Variants in ZC3H12B observed in about 807,000 individuals in gnomAD.
ZC3H12B encodes probable ribonuclease ZC3H12B.
ZC3H12B carries 7 observed loss-of-function variants against 43.9 expected under a neutral mutation model. The observed-to-expected ratio is 0.16, with a 90% CI of 0.09 to 0.30. The LOEUF is 0.30. Ranked by LOEUF, ZC3H12B falls within the 10% of genes least tolerant of loss-of-function variation. The pLI is 1.00. For missense variants in ZC3H12B, 475 were observed against 670.2 expected, an observed-to-expected ratio of 0.71 and a Z score of 3.22; for synonymous variants, 222 against 241.7, an observed-to-expected ratio of 0.92 and a Z score of 0.76.
the ZC3H12B span, among the ~76,000 whole-genome samples, chrX:65,220,814 G>A: frequency 1.8e-5 from 2 of 111,364 alleles, no homozygotes; most frequent in Non-Finnish European, 3.8e-5. Flanking sequence ...GTAAACAAAG[G>A]AACAATAGAC....
chrX:65,469,771 G>T lies in ZC3H12B; in HGVS notation n.408-18875G>T, dbSNP rs371192036. The T allele has an allele frequency of 1.7e-3, 194 of 115,200 alleles. 7 individuals carry two copies. The South Asian group carries it at 0.067, about 40-fold the overall frequency. 9.5% of individuals were successfully genotyped at this position (115,200 alleles called of 1,213,427 possible). On this transcript the variant is annotated intron_variant and non_coding_transcript_variant, in intron 3 of 5. Transcript: ENST00000617377. The stretch of plus-strand genomic sequence containing the variant: ...GGATCACTTGAAGTCAGGAGTTTAA[G>T]ACCAGCCTAGCCAACATGGTGAAAC...
the ZC3H12B span, among the ~76,000 whole-genome samples, chrX:65,303,999 C>A: frequency 8.9e-5 from 10 of 112,418 alleles, no homozygotes; most frequent in Admixed American, 9.4e-4. Flanking sequence ...AAATCTCAAA[C>A]TTTCAAACAG....
At chrX:65,068,668 A>G in the ZC3H12B span, among the ~76,000 whole-genome samples, 1 of 111,707 alleles carries the variant, frequency 9.0e-6, no homozygotes, top group African/African-American at 3.3e-5. Context: ...TCACTGTGAC[A>G]GTGTTATAAT....
At chrX:65,234,660 A>T in the ZC3H12B span, among the ~76,000 whole-genome samples, 2 of 112,675 alleles carry the variant, frequency 1.8e-5, no homozygotes, top group Non-Finnish European at 3.7e-5. Context: ...ATTAGAACTG[A>T]CAAAACCAGT....
At chrX:65,214,360 A>G in the ZC3H12B span, among the ~76,000 whole-genome samples, 3 of 112,025 alleles carry the variant, frequency 2.7e-5, no homozygotes, top group East Asian at 2.8e-4. Flanking sequence ...ATTAGAGTCA[A>G]TCCTCTAAAA....
At chrX:65,472,976 GTATATATATATATATATATATGTATA>G (rs1328415838) in intron 3 of ZC3H12B, among the ~76,000 whole-genome samples, 7 of 73,513 alleles carry the variant, frequency 9.5e-5, no homozygotes, top group African/African-American at 5.6e-4. Context: ...GTATGTGTGT[GTATATATATATATATATATATGTATA>G]TATATATATA....
At chrX:65,171,151 G>T in the ZC3H12B span, among the ~76,000 whole-genome samples, 7 of 110,995 alleles carry the variant, frequency 6.3e-5, no homozygotes, top group Non-Finnish European at 1.3e-4. Context: ...TTTCTGCTTG[G>T]TTTCTCCTCA....
At chrX:65,435,648 AG>A (rs2067211186) in intron 3 of ZC3H12B, among the ~76,000 whole-genome samples, 2 of 47,668 alleles carry the variant, frequency 4.2e-5, no homozygotes, top group African/African-American at 7.9e-5. Context: ...CCAATAGGAT[AG>A]ATAGATAGAT....
the ZC3H12B span, among the ~76,000 whole-genome samples, chrX:65,052,944 A>G: frequency 9.0e-6 from 1 of 111,555 alleles, no homozygotes; most frequent in African/African-American, 3.3e-5. Context: ...AGCATTTGTT[A>G]TTGCCTGTCT....
the ZC3H12B span, among the ~76,000 whole-genome samples, chrX:65,198,609 A>G: frequency 1.8e-5 from 2 of 111,444 alleles, no homozygotes; most frequent in Non-Finnish European, 3.8e-5. Flanking sequence ...CTGTTGCCAG[A>G]TGTGCTTTTG....
exon 5 of ZC3H12B, chrX:65,501,908 A>G (rs749240234): frequency 8.3e-7 from 1 of 1,210,266 alleles, no homozygotes. Context: ...AGTGAAAACT[A>G]TGAGTGAAGG....
chrX:65,279,930 T>C, the ZC3H12B span, among the ~76,000 whole-genome samples: 3 of 112,362 alleles, frequency 2.7e-5, no homozygotes, highest in African/African-American at 6.5e-5. Flanking sequence ...AAGACACTTC[T>C]AAAAAGAAAT....
chrX:65,078,488 GAAGT>G, the ZC3H12B span, among the ~76,000 whole-genome samples: 1 of 112,096 alleles, frequency 8.9e-6, no homozygotes, highest in Non-Finnish European at 1.9e-5. Flanking sequence ...AAATCCAAGT[GAAGT>G]AAGTATTTCC....
the ZC3H12B span, among the ~76,000 whole-genome samples, chrX:65,220,675 A>G: frequency 3.6e-5 from 4 of 112,065 alleles, no homozygotes; most frequent in Admixed American, 1.9e-4. Context: ...ATATGCACCT[A>G]ACGCTGGAAC....
intron 2 of ZC3H12B, among the ~76,000 whole-genome samples, chrX:65,376,391 C>T (rs777068877): frequency 3.3e-4 from 37 of 111,606 alleles, no homozygotes; most frequent in Non-Finnish European, 6.2e-4. Context: ...GCTTTATGAC[C>T]GGCAAATTGT....
At chrX:65,192,818 G>A in the ZC3H12B span, among the ~76,000 whole-genome samples, 3 of 103,392 alleles carry the variant, frequency 2.9e-5, no homozygotes, top group African/African-American at 1.3e-4. Flanking sequence ...TTTTTGAGAT[G>A]GAGTCTCGCT....
chrX:65,151,233 C>G, the ZC3H12B span, among the ~76,000 whole-genome samples: 9 of 111,532 alleles, frequency 8.1e-5, no homozygotes, highest in Admixed American at 1.9e-4. Flanking sequence ...AATACAATCA[C>G]AAACCAAGAA....
intron 2 of ZC3H12B, 24 bp downstream of exon 7, chrX:65,497,295 CT>C (rs771323254): frequency 8.5e-6 from 10 of 1,180,496 alleles, no homozygotes; most frequent in Admixed American, 6.9e-5. Flanking sequence ...TAAGACATTT[CT>C]TCTCATCTAG....
At chrX:65,338,263 G>A in the ZC3H12B span, among the ~76,000 whole-genome samples, 1 of 111,437 alleles carries the variant, frequency 9.0e-6, no homozygotes, top group Admixed American at 9.5e-5. Context: ...AAAATCTACA[G>A]GAAATGAATA....
Sources: allele counts gnomAD v4.1 joint callset (sites outside exome capture counted in the v4.1 genomes callset), GRCh38; gene constraint gnomAD v4.1.1; transcripts MANE v1.5; gene names NCBI Gene and HGNC (gene_info 2026-07-23, HGNC 2026-07-21).